Variants in SIPA1L2 observed in about 807,000 individuals in gnomAD.
SIPA1L2 encodes the protein signal induced proliferation associated 1 like 2.
A neutral mutation model predicts 163.9 loss-of-function variants in SIPA1L2; 56 were observed. The ratio of observed to expected loss-of-function variants is 0.34; its 90% CI spans 0.28 to 0.43. The LOEUF is 0.43. Ranked by LOEUF, SIPA1L2 falls within the 20% of genes least tolerant of loss-of-function variation. The pLI, the probability that SIPA1L2 is intolerant of heterozygous loss-of-function variation, is 1.00. For synonymous variants in SIPA1L2, 877 were observed against 865.7 expected (o/e 1.01, Z -0.23); for missense variants, 1,974 against 2,193.5 (o/e 0.90, Z 2.00).
chr1:232,582,865 T>C (rs192225215), intron 1 of SIPA1L2, among the ~76,000 whole-genome samples: 224 of 152,348 alleles, frequency 1.5e-3, no homozygotes, highest in Admixed American at 2.0e-3. Flanking sequence ...ATAGCCTCCA[T>C]GTGGTGTTGA....
At chr1:232,603,310 G>A (rs1487005283) in intron 1 of SIPA1L2, among the ~76,000 whole-genome samples, 1 of 152,174 alleles carries the variant, frequency 6.6e-6, no homozygotes, top group Non-Finnish European at 1.5e-5. Context: ...AAGATCTGGA[G>A]GTCTCCTTCC....
At chr1:232,529,883 G>A (rs1277469524) in intron 2 of SIPA1L2, among the ~76,000 whole-genome samples, 1 of 152,174 alleles carries the variant, frequency 6.6e-6, no homozygotes, top group East Asian at 1.9e-4. Context: ...CTTGAGCACG[G>A]CCCCACCTAT....
chr1:232,504,308 G>A (rs1345078209), intron 3 of SIPA1L2, among the ~76,000 whole-genome samples: 2 of 152,186 alleles, frequency 1.3e-5, no homozygotes, highest in Non-Finnish European at 2.9e-5. Context: ...GAAGGCCGAG[G>A]CAGGTGGATC....
chr1:232,552,131 C>T (rs970606643), intron 2 of SIPA1L2, among the ~76,000 whole-genome samples: 3 of 152,176 alleles, frequency 2.0e-5, no homozygotes, highest in African/African-American at 4.8e-5. Context: ...TGAGCCACCA[C>T]ACCCGGCTGA....
chr1:232,612,518 T>G (rs1662295255), intron 1 of SIPA1L2, among the ~76,000 whole-genome samples: 1 of 152,230 alleles, frequency 6.6e-6, no homozygotes, highest in Non-Finnish European at 1.5e-5. Context: ...GACCTGGATG[T>G]GAGACCTGGA....
intron 17 of SIPA1L2, 55 bp downstream of exon 17, chr1:232,428,356 T>TC (rs1662025671): frequency 7.9e-7 from 1 of 1,261,394 alleles, no homozygotes; most frequent in East Asian, 3.1e-5. Flanking sequence ...TAGACTTTTT[T>TC]TTTTTTTTTT....
At position 232,467,504 on chromosome 1, in the gene SIPA1L2, T is replaced by C. The variant is rs190223122; in HGVS notation, c.2244-2088A>G. On this transcript the variant is annotated intron_variant, in intron 8 of 22. Transcript: ENST00000674635. ...CCCCATGTTAACTCTGGGAGAGTGG[T>C]CTTAAAGCTACCTGTTTGGACTTGT... Among the ~76,000 whole-genome samples the C allele has an allele frequency of 1.5e-3, 234 of 152,248 alleles. 2 individuals carry two copies. The highest frequency in any genetic ancestry group is 2.5e-3 in the Non-Finnish European group (167 of 68,016).
In SIPA1L2 at chr1:232,515,467, T is replaced by C. The variant is rs1667180541; in HGVS notation, c.-128A>G. On this transcript the variant is annotated 5_prime_UTR_variant, in exon 3 of 23. The change abolishes the stop of an existing upstream ORF in the 5' untranslated region. Coordinates refer to ENST00000674635, the MANE Select transcript of SIPA1L2 (RefSeq NM_020808.5). ...TCTGTAGTTGTATTTTTTCTTTTCT[T>C]AGCCCAAAGCAAACAACATCCTCAG... 2.9e-6 allele frequency: 3 copies of C among 1,023,342 alleles called. No homozygotes were observed. The allele number at this position is 1,023,342 out of a possible 1,614,324, so 63.4% of individuals were successfully genotyped here.
In SIPA1L2 at chr1:232,477,751, T is replaced by A. The variant is rs915275755; in HGVS notation, c.2085+1876A>T. On this transcript the variant is annotated intron_variant, in intron 7 of 22. Transcript: ENST00000674635. ...AAACTCGAATGCCTACAGATTTTGA[T>A]TACGCTTCAATGAAAGGGGGTGGGA... Among the ~76,000 whole-genome samples the A allele has an allele frequency of 6.6e-5, 10 of 152,322 alleles. No homozygotes were observed. The Middle Eastern group carries it at 0.014, about 207-fold the overall frequency.
chr1:232,584,639 CTT>C (rs1265973645), intron 1 of SIPA1L2, among the ~76,000 whole-genome samples: 1 of 152,188 alleles, frequency 6.6e-6, no homozygotes, highest in Non-Finnish European at 1.5e-5. Context: ...TAATCTACCT[CTT>C]GTCAATGATT....
chr1:232,586,665 C>T (rs761088757), intron 1 of SIPA1L2, among the ~76,000 whole-genome samples: 3 of 152,220 alleles, frequency 2.0e-5, no homozygotes, highest in Non-Finnish European at 4.4e-5. Context: ...TTCTTCTAGG[C>T]ATGAAAGCTT....
chr1:232,604,407 C>T (rs138778429), intron 1 of SIPA1L2, among the ~76,000 whole-genome samples: 100 of 152,298 alleles, frequency 6.6e-4, no homozygotes, highest in African/African-American at 2.3e-3. Context: ...TGTTCAATAA[C>T]GCAGAAAAGT....
chr1:232,588,850 ATAGT>A lies in SIPA1L2; in HGVS notation c.-318-14632_-318-14629del, dbSNP rs560719901. 6.0e-3 allele frequency among the ~76,000 whole-genome samples: 914 copies of A among 152,358 alleles called. 5 individuals are homozygous for A. Among genetic ancestry groups the A allele is most frequent in the Non-Finnish European group, 9.6e-3 (651 of 68,042 alleles). On this transcript the variant is annotated intron_variant, in intron 1 of 22. Coordinates refer to ENST00000674635, the MANE Select transcript of SIPA1L2 (RefSeq NM_020808.5). The stretch of plus-strand genomic sequence containing the variant: ...TCAATAAGTGTCTTAGTTTTGGAAA[ATAGT>A]TATTTTTCACGAAAGTATTATTTAT...
intron 2 of SIPA1L2, among the ~76,000 whole-genome samples, chr1:232,552,219 G>A (rs182407566): frequency 9.7e-4 from 147 of 152,094 alleles, no homozygotes; most frequent in African/African-American, 3.4e-3. Flanking sequence ...AAGAGCAACC[G>A]GTGATTAAAT....
At chr1:232,555,688 A>T (rs961722658) in intron 2 of SIPA1L2, among the ~76,000 whole-genome samples, 1 of 152,252 alleles carries the variant, frequency 6.6e-6, no homozygotes, top group Non-Finnish European at 1.5e-5. Context: ...CAGCAGATTC[A>T]AAAAAGATCC....
intron 2 of SIPA1L2, among the ~76,000 whole-genome samples, chr1:232,544,010 G>C (rs1657855483): frequency 6.6e-6 from 1 of 152,172 alleles, no homozygotes; most frequent in Non-Finnish European, 1.5e-5. Context: ...CTGTACTTCA[G>C]AAAGACTGGA....
chr1:232,497,943 A>T (rs896179283), intron 3 of SIPA1L2, among the ~76,000 whole-genome samples: 1 of 152,174 alleles, frequency 6.6e-6, no homozygotes, highest in African/African-American at 2.4e-5. Flanking sequence ...AGGTCTAGGG[A>T]AGCACACTCC....
chr1:232,537,308 T>C (rs956398635), intron 2 of SIPA1L2, among the ~76,000 whole-genome samples: 2 of 152,164 alleles, frequency 1.3e-5, no homozygotes, highest in African/African-American at 4.8e-5. Context: ...AAATACAGAA[T>C]GTCCTACTTC....
At chr1:232,589,703 A>G (rs543362609) in intron 1 of SIPA1L2, among the ~76,000 whole-genome samples, 1 of 152,284 alleles carries the variant, frequency 6.6e-6, no homozygotes, top group African/African-American at 2.4e-5. Flanking sequence ...TTTTCAGCTG[A>G]TCTTCCCTCA....
Sources: allele counts gnomAD v4.1 joint callset (sites outside exome capture counted in the v4.1 genomes callset), GRCh38; gene constraint gnomAD v4.1.1; transcripts MANE v1.5; gene names NCBI Gene and HGNC (gene_info 2026-07-23, HGNC 2026-07-21).